The following KCNMA1 variants were observed in gnomAD, a reference collection of about 807,000 sequenced individuals.
KCNMA1 encodes potassium calcium-activated channel subfamily M alpha 1, also known as Calcium-activated potassium channel subunit alpha-1.
Under a neutral mutation model 140.0 loss-of-function variants are expected in KCNMA1, and 29 were observed. The ratio of observed to expected loss-of-function variants is 0.21; its 90% CI spans 0.15 to 0.28. The LOEUF is 0.28. Ranked by LOEUF, KCNMA1 falls within the 10% of genes least tolerant of loss-of-function variation. The pLI is 1.00. For missense variants in KCNMA1, 880 were observed against 1,602.2 expected (o/e 0.55, Z 7.70); for synonymous variants, 612 against 611.9 (o/e 1.00, Z 0.00).
chr10:77,393,866 A>G (rs1441467230), intron 2 of KCNMA1, among the ~76,000 whole-genome samples: 1 of 152,252 alleles, frequency 6.6e-6, no homozygotes, highest in Non-Finnish European at 1.5e-5. Context: ...CAGAGACTGA[A>G]GCAAAGCGGA....
At chr10:77,012,220 T>G in intron 17 of KCNMA1, 177 bp from the exon 18 acceptor site, 1 of 1,485,960 alleles carries the variant, frequency 6.7e-7, no homozygotes, top group East Asian at 2.5e-5. Flanking sequence ...ACCATTTATT[T>G]CAAACACAGG....
At chr10:77,228,910 C>G (rs1163292715) in intron 3 of KCNMA1, among the ~76,000 whole-genome samples, 1 of 152,138 alleles carries the variant, frequency 6.6e-6, no homozygotes, top group Non-Finnish European at 1.5e-5. Flanking sequence ...TGCTTGGGAC[C>G]AAGAAAAGAA....
intron 1 of KCNMA1, among the ~76,000 whole-genome samples, chr10:77,441,973 G>C (rs980839994): frequency 1.3e-5 from 2 of 152,164 alleles, no homozygotes; most frequent in African/African-American, 4.8e-5. Flanking sequence ...GGCGGCTTCA[G>C]AACTGTCCTG....
intron 1 of KCNMA1, among the ~76,000 whole-genome samples, chr10:77,553,343 C>CA (rs749471692): frequency 1.3e-5 from 2 of 152,186 alleles, no homozygotes; most frequent in Non-Finnish European, 2.9e-5. Flanking sequence ...ACTCTTCCCC[C>CA]ATTGGCCAAG....
chr10:77,480,876 G>A (rs1328830594), intron 1 of KCNMA1, among the ~76,000 whole-genome samples: 1 of 151,874 alleles, frequency 6.6e-6, no homozygotes, highest in Non-Finnish European at 1.5e-5. Context: ...TTGGGAGGCG[G>A]AGGTGGGCAG....
chr10:77,511,463 C>G (rs992271135), intron 1 of KCNMA1, among the ~76,000 whole-genome samples: 1 of 152,192 alleles, frequency 6.6e-6, no homozygotes, highest in Non-Finnish European at 1.5e-5. Context: ...GAAAAGAGCA[C>G]GTTTGCAAGT....
At chr10:77,090,355 G>T in intron 10 of KCNMA1, 45 bp downstream of exon 10, 4 of 1,231,668 alleles carry the variant, frequency 3.2e-6, no homozygotes, top group Non-Finnish European at 4.8e-6. Context: ...CCCTCGCAGG[G>T]TGTGTGGTTG....
intron 1 of KCNMA1, among the ~76,000 whole-genome samples, chr10:77,490,402 A>G (rs1289631916): frequency 6.6e-6 from 1 of 152,228 alleles, no homozygotes; most frequent in Non-Finnish European, 1.5e-5. Context: ...AAGTGGCTCC[A>G]GCTCTTTGAT....
intron 1 of KCNMA1, among the ~76,000 whole-genome samples, chr10:77,584,109 A>C (rs953932252): frequency 8.5e-5 from 13 of 152,180 alleles, no homozygotes; most frequent in African/African-American, 2.7e-4. Context: ...TTCTTAGCTC[A>C]GTTACAAAAA....
At chr10:76,909,164 C>T (rs1287425438) in intron 25 of KCNMA1, among the ~76,000 whole-genome samples, 3 of 152,176 alleles carry the variant, frequency 2.0e-5, no homozygotes, top group Middle Eastern at 3.2e-3. Context: ...ACAGGCCTGG[C>T]AGTCATCTTT....
intron 22 of KCNMA1, among the ~76,000 whole-genome samples, chr10:76,948,604 CA>C (rs1313452744): frequency 2.0e-5 from 3 of 152,142 alleles, no homozygotes; most frequent in Admixed American, 6.5e-5. Context: ...GACACACACA[CA>C]AACACAACCA....
At chr10:77,357,829 A>G (rs947262624) in intron 2 of KCNMA1, among the ~76,000 whole-genome samples, 2 of 152,152 alleles carry the variant, frequency 1.3e-5, no homozygotes, top group African/African-American at 2.4e-5. Flanking sequence ...ATGAGTCACA[A>G]CTGTAAGCTG....
At chr10:76,942,834 T>C (rs1277455507) in intron 23 of KCNMA1, among the ~76,000 whole-genome samples, 1 of 152,134 alleles carries the variant, frequency 6.6e-6, no homozygotes, top group Non-Finnish European at 1.5e-5. Flanking sequence ...GCTTTCACTG[T>C]TTTCCTTTCC....
At chr10:77,248,673 T>C (rs372702595) in intron 3 of KCNMA1, among the ~76,000 whole-genome samples, 6 of 152,222 alleles carry the variant, frequency 3.9e-5, no homozygotes, top group African/African-American at 1.4e-4. Context: ...ACATTCTACT[T>C]TCTCACTTTC....
chr10:77,097,541 C>G (rs2096965013), intron 9 of KCNMA1, among the ~76,000 whole-genome samples: 1 of 152,104 alleles, frequency 6.6e-6, no homozygotes, highest in African/African-American at 2.4e-5. Flanking sequence ...TCACTGCAAG[C>G]CTTTTAGACC....
chr10:77,291,442 G>A (rs1206757845), intron 2 of KCNMA1, among the ~76,000 whole-genome samples: 2 of 152,064 alleles, frequency 1.3e-5, no homozygotes, highest in African/African-American at 2.4e-5. Context: ...AGAAAAACAG[G>A]TACTCCATAA....
In KCNMA1 at chr10:76,891,598, T is replaced by G; in HGVS notation, c.3269A>C (p.Gln1090Pro). 2 of 1,614,038 alleles carry G rather than the reference T, an allele frequency of 1.2e-6. No individual in the cohort carries two copies. The highest frequency in any genetic ancestry group is 1.7e-6 in the Non-Finnish European group (2 of 1,180,014). Residue 1090 changes from glutamine (Q) to proline (P), a missense_variant, in exon 26 of 28, where the codon CAG becomes CCG. Coordinates refer to ENST00000286628, the MANE Select transcript of KCNMA1 (RefSeq NM_001161352.2). ...GCAGCGGTCCCTATTGGCCAGTGTC[T>G]GCGGGGTGCTGTAGCCACCTCTAAG... Reference protein sequence around the residue: ...NALRGGYSTPQTLANRDRCRV... With the variant: ...NALRGGYSTPPTLANRDRCRV...
chr10:77,493,664 T>C (rs939708637), intron 1 of KCNMA1: 1 of 152,218 alleles, frequency 6.6e-6, no homozygotes, highest in Non-Finnish European at 1.5e-5. Flanking sequence ...GTGGGGAGTG[T>C]GTGGCCAACC....
At chr10:77,231,789 C>G (rs1472024081) in intron 3 of KCNMA1, among the ~76,000 whole-genome samples, 1 of 152,218 alleles carries the variant, frequency 6.6e-6, no homozygotes, top group Non-Finnish European at 1.5e-5. Context: ...CTATTCTCCA[C>G]ATCACAGTCA....
Sources: allele counts gnomAD v4.1 joint callset (sites outside exome capture counted in the v4.1 genomes callset), GRCh38; gene constraint gnomAD v4.1.1; transcripts MANE v1.5; gene names NCBI Gene and HGNC (gene_info 2026-07-23, HGNC 2026-07-21).